The following CARMIL1 variants were observed in gnomAD, a reference collection of about 807,000 sequenced individuals.
CARMIL1 encodes the protein capping protein regulator and myosin 1 linker 1, also known as F-actin-uncapping protein LRRC16A.
Under a neutral mutation model 177.1 loss-of-function variants are expected in CARMIL1, and 90 were observed. The ratio of observed to expected loss-of-function variants is 0.51; its 90% CI spans 0.43 to 0.61. CARMIL1 has a LOEUF of 0.61. CARMIL1 is among the 20% of genes least tolerant of loss of function. The pLI is 0.00. For synonymous variants in CARMIL1, 577 were observed against 606.2 expected (o/e 0.95, Z 0.71); for missense variants, 1,380 against 1,667.0 (o/e 0.83, Z 3.00).
intron 28 of CARMIL1, among the ~76,000 whole-genome samples, chr6:25,555,946 G>A (rs1018970405): frequency 1.3e-5 from 2 of 151,928 alleles, no homozygotes; most frequent in African/African-American, 4.8e-5. Flanking sequence ...CTTTTGGTTT[G>A]AACTTCATTT....
At chr6:25,446,617 T>C (rs1245518568) in intron 5 of CARMIL1, among the ~76,000 whole-genome samples, 1 of 152,238 alleles carries the variant, frequency 6.6e-6, no homozygotes, top group Non-Finnish European at 1.5e-5. Flanking sequence ...TTTCTCATCA[T>C]TCACATGTTC....
chr6:25,332,796 T>C (rs1212670870), intron 2 of CARMIL1, among the ~76,000 whole-genome samples: 1 of 88,462 alleles, frequency 1.1e-5, no homozygotes, highest in Non-Finnish European at 2.7e-5. Context: ...CACACACTTC[T>C]TTTAGGGAAC....
intron 31 of CARMIL1, among the ~76,000 whole-genome samples, chr6:25,582,309 CTT>C (rs1443003075): frequency 6.6e-6 from 1 of 152,176 alleles, no homozygotes; most frequent in African/African-American, 2.4e-5. Context: ...TCATCACACT[CTT>C]TTCTTTTCCA....
At chr6:25,391,368 G>A (rs1792801647) in intron 2 of CARMIL1, among the ~76,000 whole-genome samples, 1 of 152,148 alleles carries the variant, frequency 6.6e-6, no homozygotes. Context: ...AAGGGCACTG[G>A]GCTGTCTATC....
Position 25,600,374 on chromosome 6 carries a change from A to G in CARMIL1, c.3180A>G (p.Lys1060=), listed in dbSNP as rs9885888. The change falls in exon 33 of 37, where the codon AAA becomes AAG. Residue 1060 remains lysine (K), a synonymous_variant. Transcript: ENST00000329474. The part of the protein sequence containing the change: ...HELNEGGDEK[K]KRDSRKSSGF... Reference sequence around the variant, plus strand: ...TTAATGAAGGAGGAGATGAAAAGAAAAAGCGAGATTCTCGGAAAAGTAGTG... The same window carrying G: ...TTAATGAAGGAGGAGATGAAAAGAAGAAGCGAGATTCTCGGAAAAGTAGTG... The G allele has an allele frequency of 0.03, 47,847 of 1,613,964 alleles. 1,257 individuals carry two copies. The highest frequency in any genetic ancestry group is 0.1 in the South Asian group (9,521 of 91,078).
chr6:25,557,378 T>A (rs1160587478), intron 29 of CARMIL1, among the ~76,000 whole-genome samples: 1 of 152,194 alleles, frequency 6.6e-6, no homozygotes, highest in Non-Finnish European at 1.5e-5. Flanking sequence ...TCTTATCCAT[T>A]TTCTAAATTT....
intron 32 of CARMIL1, among the ~76,000 whole-genome samples, chr6:25,598,178 T>G (rs1815035307): frequency 6.6e-6 from 1 of 152,130 alleles, no homozygotes; most frequent in Admixed American, 6.5e-5. Flanking sequence ...TTGCTGAATT[T>G]TTAAAAATTA....
chr6:25,604,846 C>T lies in CARMIL1; in HGVS notation c.3587C>T (p.Ser1196Phe). The T allele has an allele frequency of 6.3e-7, 1 of 1,597,662 alleles. No homozygotes were observed. The highest frequency in any genetic ancestry group is 8.5e-7 in the Non-Finnish European group (1 of 1,172,560). Residue 1196 changes from serine (S) to phenylalanine (F), a missense_variant, in exon 34 of 37, where the codon TCC (serine) becomes TTC (phenylalanine). Physicochemically the swap from Ser to Phe is radical, Grantham distance 155. Coordinates refer to ENST00000329474, the MANE Select transcript of CARMIL1 (RefSeq NM_017640.6). ...AATGATGCCGTATCCCAGGATTCTT[C>T]CAGCCCAGCTTTGAGCGGCGTAGAA... Reference protein sequence around the residue: ...LGNDAVSQDSSSPALSGVERS... With the variant: ...LGNDAVSQDSFSPALSGVERS...
chr6:25,589,847 C>T (rs1814128371), intron 31 of CARMIL1, among the ~76,000 whole-genome samples: 1 of 152,178 alleles, frequency 6.6e-6, no homozygotes, highest in Non-Finnish European at 1.5e-5. Flanking sequence ...GTTGCATTCA[C>T]CTTTAAAATG....
chr6:25,515,655 G>A lies in CARMIL1; in HGVS notation c.1633-20G>A, dbSNP rs368193920. 7.1e-5 allele frequency: 112 copies of A among 1,583,652 alleles called. No individual in the cohort carries two copies. In the African/African-American group the frequency reaches 7.5e-4, roughly 11 times the overall value. On this transcript the variant is annotated intron_variant, in intron 20 of 36. Coordinates refer to ENST00000329474, the MANE Select transcript of CARMIL1 (RefSeq NM_017640.6). This position sits in a 1 kb window ranked among gnomAD's most constrained non-coding sequence, Gnocchi z 5.0. ...TGCTTTGATGAGACTGCTGAGTGCC[G>A]TGTGTCATTTGCTCCGCAGCCTCTG...
At position 25,435,633 on chromosome 6, in the gene CARMIL1, G is replaced by C. The variant is rs529207297; in HGVS notation, c.371+29G>C. ...AGTTTCCCTGGGCAGGGTGAGGAGA[G>C]CAAAGAACCTGTTCTTCCTCAAAAC... On this transcript the variant is annotated intron_variant, in intron 5 of 36. Transcript: ENST00000329474. 7 of 1,552,326 alleles carry C rather than the reference G, an allele frequency of 4.5e-6. No individual in the cohort carries two copies. The South Asian group carries it at 7.3e-5, about 16-fold the overall frequency.
At chr6:25,482,151 A>G in intron 11 of CARMIL1, 106 bp from the exon 12 acceptor site, 1 of 639,998 alleles carries the variant, frequency 1.6e-6, no homozygotes, top group Non-Finnish European at 2.7e-6. Context: ...AGAAAGAAAA[A>G]TATGATCACT....
intron 2 of CARMIL1, among the ~76,000 whole-genome samples, chr6:25,409,175 G>T (rs377355431): frequency 1.2e-4 from 18 of 152,060 alleles, no homozygotes; most frequent in African/African-American, 4.3e-4. Context: ...TCTCCCCCTT[G>T]CTCTGACTCA....
At chr6:25,362,288 T>G (rs1157479459) in intron 2 of CARMIL1, among the ~76,000 whole-genome samples, 1 of 152,238 alleles carries the variant, frequency 6.6e-6, no homozygotes, top group East Asian at 1.9e-4. Flanking sequence ...TAAAAGTCAC[T>G]TCCCCTAATG....
chr6:25,472,391 T>A (rs1314817238), intron 10 of CARMIL1, 36 bp from the exon 11 acceptor site: 3 of 1,385,148 alleles, frequency 2.2e-6, no homozygotes, highest in Non-Finnish European at 2.0e-6. Context: ...GGTTTTACAT[T>A]TTGTTATTTA....
At chr6:25,549,424 C>T (rs1353821438) in intron 26 of CARMIL1, among the ~76,000 whole-genome samples, 1 of 152,158 alleles carries the variant, frequency 6.6e-6, no homozygotes, top group Non-Finnish European at 1.5e-5. Context: ...AAAGAGGAGA[C>T]TAATTTGCCT....
intron 2 of CARMIL1, among the ~76,000 whole-genome samples, chr6:25,293,202 T>C (rs1782115494): frequency 6.6e-6 from 1 of 151,174 alleles, no homozygotes; most frequent in Non-Finnish European, 1.5e-5. Context: ...TTTTCCCTCT[T>C]GATAGACCAC....
intron 2 of CARMIL1, among the ~76,000 whole-genome samples, chr6:25,324,661 G>A (rs115227851): frequency 0.037 from 5,622 of 152,228 alleles, 135 homozygotes; most frequent in Non-Finnish European, 0.054. Context: ...AACAAGCAAA[G>A]CAAATCCCTA....
chr6:25,547,512 G>T (rs891364128), intron 26 of CARMIL1, among the ~76,000 whole-genome samples: 1 of 152,148 alleles, frequency 6.6e-6, no homozygotes, highest in Non-Finnish European at 1.5e-5. Flanking sequence ...GACAGAAGTA[G>T]CACTGAAGTT....
Sources: gnomAD v4.1 joint callset for allele counts (sites outside exome capture counted in the v4.1 genomes callset) on GRCh38, gnomAD v4.1.1 for gene constraint, Gnocchi (gnomAD v3.1) non-coding constraint, MANE v1.5 for transcripts, NCBI Gene and HGNC (gene_info 2026-07-23, HGNC 2026-07-21) for gene names.